The following HS6ST3 variants were observed in gnomAD, a reference collection of about 807,000 sequenced individuals.
HS6ST3 encodes the protein heparan sulfate 6-O-sulfotransferase 3, also known as heparan-sulfate 6-O-sulfotransferase 3.
In HS6ST3, 12 loss-of-function variants were observed where a neutral mutation model predicts 36.7. The observed-to-expected ratio is 0.33, with a 90% CI of 0.21 to 0.53. The LOEUF (loss-of-function observed/expected upper bound fraction) is 0.53, where lower values mean the gene tolerates loss of function less well. HS6ST3 is among the 20% of genes least tolerant of loss of function. The pLI is 0.95. For synonymous variants in HS6ST3, 240 were observed against 257.5 expected (o/e 0.93, Z 0.65); for missense variants, 584 against 640.9 (o/e 0.91, Z 0.96).
intron 1 of HS6ST3, among the ~76,000 whole-genome samples, chr13:96,619,383 C>G (rs1271053615): frequency 6.6e-6 from 1 of 152,164 alleles, no homozygotes; most frequent in African/African-American, 2.4e-5. Context: ...GTAGAGTTAT[C>G]TGACTTTTTT....
chr13:96,668,329 G>C (rs988442164), intron 1 of HS6ST3, among the ~76,000 whole-genome samples: 2 of 152,128 alleles, frequency 1.3e-5, no homozygotes, highest in Non-Finnish European at 2.9e-5. Context: ...ACCTAAACAG[G>C]CAGGATGAGA....
At chr13:96,594,939 G>A (rs1429986174) in intron 1 of HS6ST3, among the ~76,000 whole-genome samples, 1 of 152,106 alleles carries the variant, frequency 6.6e-6, no homozygotes, top group South Asian at 2.1e-4. Context: ...TTGCTTGCTT[G>A]GGAAAATCTT....
At chr13:96,583,237 G>A (rs1196831542) in intron 1 of HS6ST3, among the ~76,000 whole-genome samples, 3 of 46,874 alleles carry the variant, frequency 6.4e-5, no homozygotes, top group African/African-American at 8.5e-5. Context: ...TTTTTGAGAC[G>A]GAGTCTTGCT....
chr13:96,673,115 C>T (rs1276114355), intron 1 of HS6ST3, among the ~76,000 whole-genome samples: 1 of 152,136 alleles, frequency 6.6e-6, no homozygotes, highest in African/African-American at 2.4e-5. Flanking sequence ...CGCTGGTGGC[C>T]ATATCACATC....
In HS6ST3 at chr13:96,317,724, G is replaced by GTT. The variant is rs397938253; in HGVS notation, c.707+226166_707+226167dup. Among the ~76,000 whole-genome samples the GTT allele has an allele frequency of 1.9e-3, 277 of 144,262 alleles. 1 individual carries two copies. Among genetic ancestry groups the GTT allele is most frequent in the African/African-American group, 4.9e-3 (192 of 39,532 alleles). 94.6% of individuals were successfully genotyped at this position (144,262 alleles called of 152,430 possible). A position where few individuals can be genotyped will look rare whatever the true frequency, so the allele number is the denominator to read the frequency against. On this transcript the variant is annotated intron_variant, in intron 1 of 1. Coordinates refer to ENST00000376705, the MANE Select transcript of HS6ST3 (RefSeq NM_153456.4). ...TTTCTCTATAGCCTTGCCAGCATCT[G>GTT]TTTTTTTTTTTTACTTTTTGTAATA...
At position 96,552,104 on chromosome 13, in the gene HS6ST3, A is replaced by G. The variant is rs944864648; in HGVS notation, c.708-280386A>G. On this transcript the variant is annotated intron_variant, in intron 1 of 1. Transcript: ENST00000376705. ...AAAAAGTTTATTGCATGCATTAAAA[A>G]TGGAATTTGGTTTATTTCCATGGTT... 4.6e-5 allele frequency among the ~76,000 whole-genome samples: 7 copies of G among 152,326 alleles called. No individual in the cohort carries two copies. In the East Asian group the frequency reaches 1.3e-3, roughly 29 times the overall value.
intron 1 of HS6ST3, among the ~76,000 whole-genome samples, chr13:96,799,999 T>TAC (rs1878025465): frequency 2.5e-5 from 2 of 81,072 alleles, no homozygotes; most frequent in Non-Finnish European, 4.4e-5. Context: ...TATATATATG[T>TAC]ATATATATAT....
At chr13:96,670,601 C>T (rs1209596634) in intron 1 of HS6ST3, among the ~76,000 whole-genome samples, 1 of 152,026 alleles carries the variant, frequency 6.6e-6, no homozygotes, top group African/African-American at 2.4e-5. Flanking sequence ...TAGATTCATC[C>T]AGGGAGAGTT....
At position 96,291,074 on chromosome 13, in the gene HS6ST3, A is replaced by G. The variant is rs374091193; in HGVS notation, c.707+199505A>G. Among the ~76,000 whole-genome samples the G allele has an allele frequency of 3.9e-5, 6 of 152,160 alleles. No homozygotes were observed. The East Asian group carries it at 1.2e-3, about 29-fold the overall frequency. On this transcript the variant is annotated intron_variant, in intron 1 of 1. Coordinates refer to ENST00000376705, the MANE Select transcript of HS6ST3 (RefSeq NM_153456.4). ...AAACATTCTTAAACTCATCCCTGAC[A>G]TTTTATATTCTTTATATCCTGCCCA...
At chr13:96,719,074 A>G (rs903199242) in intron 1 of HS6ST3, among the ~76,000 whole-genome samples, 2 of 152,122 alleles carry the variant, frequency 1.3e-5, no homozygotes, top group Non-Finnish European at 2.9e-5. Flanking sequence ...GGAGATCGAG[A>G]CCATCCTGGC....
At chr13:96,311,590 A>G (rs1391828952) in intron 1 of HS6ST3, among the ~76,000 whole-genome samples, 1 of 152,214 alleles carries the variant, frequency 6.6e-6, no homozygotes, top group Non-Finnish European at 1.5e-5. Flanking sequence ...TTGGCTAGAA[A>G]GCATCCATAC....
intron 1 of HS6ST3, among the ~76,000 whole-genome samples, chr13:96,631,397 A>T (rs1228200227): frequency 1.3e-5 from 2 of 152,260 alleles, no homozygotes; most frequent in African/African-American, 4.8e-5. Context: ...ATCATGAAAT[A>T]TCAGCTATAA....
At chr13:96,509,159 GA>G (rs1318688375) in intron 1 of HS6ST3, among the ~76,000 whole-genome samples, 1 of 152,060 alleles carries the variant, frequency 6.6e-6, no homozygotes, top group Non-Finnish European at 1.5e-5. Context: ...CTTCTTTTGA[GA>G]AATGTCTATT....
intron 1 of HS6ST3, among the ~76,000 whole-genome samples, chr13:96,465,404 T>A (rs949440925): frequency 1.3e-5 from 2 of 151,998 alleles, no homozygotes; most frequent in East Asian, 3.9e-4. Context: ...TACACAGCAA[T>A]GAAAAGAATT....
intron 1 of HS6ST3, among the ~76,000 whole-genome samples, chr13:96,586,567 AT>A (rs201154460): frequency 0.036 from 5,518 of 152,298 alleles, 154 homozygotes; most frequent in Non-Finnish European, 0.056. Flanking sequence ...AAGTGCTATG[AT>A]TACAGGCATT....
intron 1 of HS6ST3, among the ~76,000 whole-genome samples, chr13:96,658,268 C>CA (rs2056632913): frequency 1.3e-5 from 1 of 76,190 alleles, no homozygotes; most frequent in Non-Finnish European, 2.4e-5. Flanking sequence ...TCTTCTTCTT[C>CA]TTTTTTTTTT....
chr13:96,713,654 G>A (rs1285282573), intron 1 of HS6ST3, among the ~76,000 whole-genome samples: 1 of 152,098 alleles, frequency 6.6e-6, no homozygotes, highest in African/African-American at 2.4e-5. Context: ...AATTTGCTTT[G>A]AGTAGGGCTT....
chr13:96,623,024 C>A (rs558396399), intron 1 of HS6ST3, among the ~76,000 whole-genome samples: 5 of 152,254 alleles, frequency 3.3e-5, no homozygotes, highest in African/African-American at 1.2e-4. Context: ...TATTCTACAT[C>A]TCATAGTTCT....
intron 1 of HS6ST3, among the ~76,000 whole-genome samples, chr13:96,131,435 T>G (rs2053975202): frequency 6.6e-6 from 1 of 152,152 alleles, no homozygotes; most frequent in South Asian, 2.1e-4. Context: ...TTAAAAAAAT[T>G]GACACAATTG....
Sources: gnomAD v4.1 joint callset for allele counts (sites outside exome capture counted in the v4.1 genomes callset) on GRCh38, gnomAD v4.1.1 for gene constraint, MANE v1.5 for transcripts, NCBI Gene and HGNC (gene_info 2026-07-23, HGNC 2026-07-21) for gene names.